Variants in LRRC37A2 observed in about 807,000 individuals in gnomAD.
LRRC37A2 encodes the protein leucine rich repeat containing 37 member A2.
In LRRC37A2, 9 loss-of-function variants were observed where a neutral mutation model predicts 68.8. That is an observed-to-expected ratio of 0.13 (90% CI 0.08 to 0.23). LRRC37A2 has a LOEUF of 0.23. LRRC37A2 is among the 10% of genes least tolerant of loss of function. The pLI is 1.00. For missense variants in LRRC37A2, 168 were observed against 950.4 expected (o/e 0.18, Z 10.82); for synonymous variants, 63 against 367.6 (o/e 0.17, Z 9.48).
the LRRC37A2 span, among the ~76,000 whole-genome samples, chr17:47,040,529 ACTT>A: frequency 6.9e-6 from 1 of 144,030 alleles, no homozygotes; most frequent in East Asian, 2.1e-4. Context: ...ACTTTTCTGA[ACTT>A]CTTCTGTAAA....
At chr17:46,858,494 TA>T in the LRRC37A2 span, among the ~76,000 whole-genome samples, 2 of 152,040 alleles carry the variant, frequency 1.3e-5, no homozygotes. Context: ...TATTTTATTT[TA>T]TTTTTTGGAG....
chr17:46,817,582 G>A, the LRRC37A2 span, among the ~76,000 whole-genome samples: 1 of 152,076 alleles, frequency 6.6e-6, no homozygotes, highest in African/African-American at 2.4e-5. Context: ...CCTGGAGCTG[G>A]GGCTCCCAAA....
the LRRC37A2 span, among the ~76,000 whole-genome samples, chr17:46,965,438 C>T: frequency 6.6e-6 from 1 of 152,300 alleles, no homozygotes; most frequent in African/African-American, 2.4e-5. Context: ...CTTCCCTGTC[C>T]ACTGTGCCCC....
chr17:46,773,661 G>A, the LRRC37A2 span: 1 of 1,452,920 alleles, frequency 6.9e-7, no homozygotes, highest in Non-Finnish European at 9.4e-7. Flanking sequence ...CAGCCCCAAG[G>A]CAGTACCTTT....
At chr17:46,999,921 C>A in the LRRC37A2 span, among the ~76,000 whole-genome samples, 2 of 149,970 alleles carry the variant, frequency 1.3e-5, no homozygotes, top group East Asian at 2.0e-4. Context: ...ATCGCTTGAA[C>A]CTGGGAGGTG....
At chr17:46,960,824 G>T in the LRRC37A2 span, among the ~76,000 whole-genome samples, 1 of 152,190 alleles carries the variant, frequency 6.6e-6, no homozygotes, top group Non-Finnish European at 1.5e-5. Context: ...ACAAAGAACA[G>T]ATCAGTAGTT....
At chr17:46,497,576 C>A in the LRRC37A2 span, among the ~76,000 whole-genome samples, 1 of 113,278 alleles carries the variant, frequency 8.8e-6, no homozygotes. Flanking sequence ...TTATTCTAGC[C>A]CCCCCTTATA....
At chr17:47,043,441 G>T in the LRRC37A2 span, among the ~76,000 whole-genome samples, 1 of 150,540 alleles carries the variant, frequency 6.6e-6, no homozygotes, top group Non-Finnish European at 1.5e-5. Context: ...GGAGATTGCA[G>T]TGAGCCAAGA....
At chr17:46,915,726 C>G in the LRRC37A2 span, among the ~76,000 whole-genome samples, 1 of 152,220 alleles carries the variant, frequency 6.6e-6, no homozygotes, top group Non-Finnish European at 1.5e-5. Context: ...TGTGACCCAC[C>G]TCTTGATCTG....
the LRRC37A2 span, among the ~76,000 whole-genome samples, chr17:46,895,620 A>G: frequency 6.6e-6 from 1 of 152,220 alleles, no homozygotes; most frequent in Non-Finnish European, 1.5e-5. Context: ...GCAGAGGTTC[A>G]GAAAGGTTGT....
the LRRC37A2 span, among the ~76,000 whole-genome samples, chr17:46,854,927 T>C: frequency 7.2e-5 from 11 of 152,326 alleles, no homozygotes; most frequent in South Asian, 2.3e-3. Context: ...CCTAAAGTGC[T>C]GGGATTACAG....
chr17:46,975,197 A>AG, the LRRC37A2 span: 1 of 152,100 alleles, frequency 6.6e-6, no homozygotes, highest in Non-Finnish European at 1.5e-5. Context: ...CCTATTTTGT[A>AG]GGTGAGGAAA....
chr17:46,816,473 A>ACG, the LRRC37A2 span, among the ~76,000 whole-genome samples: 66 of 77,434 alleles, frequency 8.5e-4, no homozygotes, highest in African/African-American at 2.3e-3. Context: ...CCCAGAACAC[A>ACG]CGCACACACA....
the LRRC37A2 span, among the ~76,000 whole-genome samples, chr17:46,770,551 AC>A: frequency 3.9e-5 from 6 of 151,950 alleles, no homozygotes; most frequent in African/African-American, 1.2e-4. Flanking sequence ...ATGCATAGGG[AC>A]GGCCCCTCTC....
chr17:46,495,649 T>C, the LRRC37A2 span, among the ~76,000 whole-genome samples: 5 of 150,874 alleles, frequency 3.3e-5, 1 homozygote, highest in African/African-American at 1.2e-4. Flanking sequence ...CCTCCCAAAG[T>C]GATGGGACTA....
the LRRC37A2 span, chr17:46,978,531 A>G: frequency 2.2e-6 from 3 of 1,341,224 alleles, no homozygotes. Flanking sequence ...CGGGCGCCCC[A>G]GGCACGTAGC....
At chr17:46,860,377 C>A in the LRRC37A2 span, among the ~76,000 whole-genome samples, 4 of 152,118 alleles carry the variant, frequency 2.6e-5, no homozygotes, top group Admixed American at 2.0e-4. Flanking sequence ...AGGGTGACTC[C>A]CATCCTGGCA....
the LRRC37A2 span, among the ~76,000 whole-genome samples, chr17:46,873,988 C>CAA: frequency 1.1e-3 from 76 of 69,708 alleles, no homozygotes; most frequent in Non-Finnish European, 1.8e-3. Context: ...GACTCTGTCT[C>CAA]AAAAAAAAAA....
At chr17:46,870,617 A>C in the LRRC37A2 span, among the ~76,000 whole-genome samples, 1 of 152,150 alleles carries the variant, frequency 6.6e-6, no homozygotes, top group Non-Finnish European at 1.5e-5. Flanking sequence ...TGTGGAATCT[A>C]CAGGTGATTT....
Sources: allele counts gnomAD v4.1 joint callset (sites outside exome capture counted in the v4.1 genomes callset), GRCh38; gene constraint gnomAD v4.1.1; transcripts MANE v1.5; gene names NCBI Gene and HGNC (gene_info 2026-07-23, HGNC 2026-07-21).